LRRTM1: variants seen among roughly 807,000 people sequenced by gnomAD.
LRRTM1 encodes leucine-rich repeat transmembrane neuronal protein 1.
Under a neutral mutation model 37.3 loss-of-function variants are expected in LRRTM1, and 8 were observed. The ratio of observed to expected loss-of-function variants is 0.21; its 90% CI spans 0.13 to 0.39. The LOEUF (loss-of-function observed/expected upper bound fraction) is 0.39. LRRTM1 is among the 10% of genes least tolerant of loss of function. The pLI is 1.00. For synonymous variants in LRRTM1, 326 were observed against 316.8 expected, an observed-to-expected ratio of 1.03 and a Z score of -0.31; for missense variants, 557 against 691.0, an observed-to-expected ratio of 0.81 and a Z score of 2.17.
chr2:80,289,920 T>G (rs1201759052), intron 2 of LRRTM1, among the ~76,000 whole-genome samples: 1 of 152,138 alleles, frequency 6.6e-6, no homozygotes, highest in Non-Finnish European at 1.5e-5. Context: ...GAGCAGGAAT[T>G]TAAATCCCTG....
downstream of LRRTM1, chr2:80,298,349 A>G (rs146205605): frequency 2.8e-4 from 43 of 152,304 alleles, no homozygotes; most frequent in East Asian, 6.6e-3. Context: ...CTGAAACATT[A>G]TGACACTCTT....
Position 80,303,932 on chromosome 2 carries a change from C to A in LRRTM1, c.-59-54G>T. 1.6e-6 allele frequency: 2 copies of A among 1,249,894 alleles called. No homozygotes were observed. Among genetic ancestry groups the A allele is most frequent in the Non-Finnish European group, 2.1e-6 (2 of 939,048 alleles). The allele number at this position is 1,249,894 out of a possible 1,614,324, so 77.4% of individuals were successfully genotyped here. ...GAAGCGGGGGAGGGGGAGAAAAGGG[C>A]AAAAAATCAAATAAATACATAGAAA... On this transcript the variant is annotated intron_variant, in intron 1 of 1. Coordinates refer to ENST00000295057, the MANE Select transcript of LRRTM1 (RefSeq NM_178839.5). This position sits in a 1 kb window ranked among gnomAD's most constrained non-coding sequence, Gnocchi z 7.7.
intron 2 of LRRTM1, among the ~76,000 whole-genome samples, chr2:80,291,354 A>C (rs1055768730): frequency 1.3e-5 from 2 of 152,192 alleles, no homozygotes; most frequent in South Asian, 4.1e-4. Flanking sequence ...CTACAGACCT[A>C]AGAAAGAAAG....
chr2:80,290,628 A>C (rs1446110), intron 2 of LRRTM1, among the ~76,000 whole-genome samples: 43,075 of 151,710 alleles, frequency 0.28, 6,950 homozygotes, highest in East Asian at 0.38. Context: ...CCCCTCCCTG[A>C]AATCTTAATA....
intron 2 of LRRTM1, among the ~76,000 whole-genome samples, chr2:80,292,913 T>C (rs1015537895): frequency 6.6e-6 from 1 of 152,214 alleles, no homozygotes; most frequent in African/African-American, 2.4e-5. Flanking sequence ...GCTCTTTTTT[T>C]TGTACCTTTA....
rs1416271114 is a variant in LRRTM1 at position 80,302,716 on chromosome 2, C to G, written c.1104G>C (p.Glu368Asp). 7 of 1,612,856 alleles carry G rather than the reference C, an allele frequency of 4.3e-6. No individual in the cohort carries two copies. In the African/African-American group the frequency reaches 5.3e-5, roughly 12 times the overall value. ...CCGAGAGCAGGTGGCCGCTGGTGGG[C>G]TCGGCCCCATCCTCGCACAGGTGGA... ...YAFHLCEDGA[E>D]PTSGHLLSAV... Residue 368 changes from glutamate to aspartate, a missense_variant, in exon 2 of 2, where the codon GAG becomes GAC. By Grantham distance (45) the Glu-to-Asp change is conservative. Coordinates refer to ENST00000295057, the MANE Select transcript of LRRTM1 (RefSeq NM_178839.5). This position sits in a 1 kb window ranked among gnomAD's most constrained non-coding sequence, Gnocchi z 6.4.
At position 80,303,728 on chromosome 2, in the gene LRRTM1, A is replaced by G. The variant is rs1402653672; in HGVS notation, c.92T>C (p.Met31Thr). The G allele has an allele frequency of 7.5e-6, 12 of 1,604,022 alleles. No individual in the cohort carries two copies. Among genetic ancestry groups the G allele is most frequent in the Non-Finnish European group, 9.4e-6 (11 of 1,175,136 alleles). ...GCACCCGCTGGGGGCGGCGGGCAGC[A>G]TCTGAAAGCAGGCCCCCAGCAGACA... ...VLCLLGACFQ[M>T]LPAAPSGCPQ... Residue 31 changes from methionine (M) to threonine (T), a missense_variant, in exon 2 of 2, where the codon ATG becomes ACG. Met to Thr is a moderately conservative substitution (Grantham distance 81). Around this residue, in one of 5 missense-constraint regions of LRRTM1, gnomAD observed 140 missense variants for 138.1 expected, o/e 1.01. Coordinates refer to ENST00000295057, the MANE Select transcript of LRRTM1 (RefSeq NM_178839.5). This position sits in a 1 kb window ranked among gnomAD's most constrained non-coding sequence, Gnocchi z 7.7.
chr2:80,304,080 T>C (rs1676660517), intron 1 of LRRTM1, 72 bp downstream of exon 1: 1 of 393,254 alleles, frequency 2.5e-6, no homozygotes, highest in Non-Finnish European at 4.5e-6. Flanking sequence ...CCATGTTAGA[T>C]GCTGCAGCAA....
At chr2:80,295,777 T>A (rs1459145418) in intron 2 of LRRTM1, among the ~76,000 whole-genome samples, 1 of 152,204 alleles carries the variant, frequency 6.6e-6, no homozygotes, top group East Asian at 1.9e-4. Context: ...CCCTATTTCT[T>A]CCAGAGCGCT....
intron 2 of LRRTM1, chr2:80,289,268 T>C (rs1675032344): frequency 6.6e-6 from 1 of 152,184 alleles, no homozygotes; most frequent in African/African-American, 2.4e-5. Flanking sequence ...TCAAAGCATC[T>C]GTAGTGGCTA....
downstream of LRRTM1, among the ~76,000 whole-genome samples, chr2:80,301,357 G>T (rs939519167): frequency 1.3e-5 from 2 of 152,174 alleles, no homozygotes; most frequent in South Asian, 2.1e-4. Context: ...TTAACAGGGG[G>T]TACAAGAAGG....
chr2:80,302,480 T>C lies in LRRTM1; in HGVS notation c.1340A>G (p.Tyr447Cys). 1 of 1,614,010 alleles carries C rather than the reference T, an allele frequency of 6.2e-7. No homozygotes were observed. The highest frequency in any genetic ancestry group is 8.5e-7 in the Non-Finnish European group (1 of 1,180,036). Residue 447 changes from tyrosine to cysteine, a missense_variant, in exon 2 of 2, where the codon TAC (tyrosine) becomes TGC (cysteine). Coordinates refer to ENST00000295057, the MANE Select transcript of LRRTM1 (RefSeq NM_178839.5). This position sits in a 1 kb window ranked among gnomAD's most constrained non-coding sequence, Gnocchi z 6.4. Reference protein sequence around the residue: ...FSFLIVVLVLYVSWKCFPASL... With the variant: ...FSFLIVVLVLCVSWKCFPASL... ...GGCTGGGAAACACTTCCAGGACACG[T>C]AGAGCACCAGGACCACGATGAGGAA... is the stretch of plus-strand genomic sequence containing the variant.
chr2:80,303,854 C>T lies in LRRTM1; in HGVS notation c.-35G>A. 6.8e-7 allele frequency: 1 copy of T among 1,481,378 alleles called. No individual in the cohort carries two copies. The highest frequency in any genetic ancestry group is 1.5e-5 in the South Asian group (1 of 65,036). The allele number at this position is 1,481,378 out of a possible 1,614,324, so 91.8% of individuals were successfully genotyped here. A position where few individuals can be genotyped will look rare whatever the true frequency, so the allele number is the denominator to read the frequency against. ...TCTTTCCAGAGAGACTGGAGAATGT[C>T]CATTGGAAGCGCTCGGTCAGAAATC... On this transcript the variant is annotated 5_prime_UTR_variant, in exon 2 of 2. Coordinates refer to ENST00000295057, the MANE Select transcript of LRRTM1 (RefSeq NM_178839.5). This position sits in a 1 kb window ranked among gnomAD's most constrained non-coding sequence, Gnocchi z 7.7.
Position 80,302,824 on chromosome 2 carries a change from G to A in LRRTM1, c.996C>T (p.Phe332=). 6.2e-7 allele frequency: 1 copy of A among 1,614,060 alleles called. No individual in the cohort carries two copies. The highest frequency in any genetic ancestry group is 1.1e-5 in the South Asian group (1 of 91,084). ...GCAAGTTGCCATCGTAGCGCCCCTG[G>A]AAGTTGTTGAGCCACGAGGCTAGGG... ...VCALASWLNN[F]QGRYDGNLQC... The change falls in exon 2 of 2, where the codon TTC becomes TTT. Residue 332 remains phenylalanine (F), a synonymous_variant. Transcript: ENST00000295057. The surrounding 1 kb of genome is among the most constrained non-coding windows in gnomAD (Gnocchi z 6.4).
At chr2:80,290,838 G>C (rs1051713246) in intron 2 of LRRTM1, among the ~76,000 whole-genome samples, 1 of 151,842 alleles carries the variant, frequency 6.6e-6, no homozygotes, top group African/African-American at 2.4e-5. Flanking sequence ...TGGAGGGAGG[G>C]AAAGAAAAAA....
chr2:80,302,230 G>C lies in LRRTM1; in HGVS notation c.*21C>G. The stretch of plus-strand genomic sequence containing the variant: ...GCCCAGGCGTATTTGGTAGCGCATG[G>C]GTTGAGAGCCACTGGGACAATCACA... On this transcript the variant is annotated 3_prime_UTR_variant, in exon 2 of 2. Transcript: ENST00000295057. This position sits in a 1 kb window ranked among gnomAD's most constrained non-coding sequence, Gnocchi z 6.4. 1 of 1,604,396 alleles carries C rather than the reference G, an allele frequency of 6.2e-7. No individual in the cohort carries two copies. Among genetic ancestry groups the C allele is most frequent in the Non-Finnish European group, 8.5e-7 (1 of 1,175,248 alleles).
intron 2 of LRRTM1, among the ~76,000 whole-genome samples, chr2:80,289,654 T>C (rs562380484): frequency 3.3e-5 from 5 of 152,300 alleles, no homozygotes; most frequent in African/African-American, 1.2e-4. Context: ...TGCTCTCTGA[T>C]AATCTTCCTA....
rs762412544 is a variant in LRRTM1 at position 80,302,663 on chromosome 2, G to A, written c.1157C>T (p.Pro386Leu). The change falls in exon 2 of 2, where the codon CCC becomes CTC. Residue 386 changes from proline (P) to leucine (L), a missense_variant. Pro to Leu is a moderately conservative substitution (Grantham distance 98). Coordinates refer to ENST00000295057, the MANE Select transcript of LRRTM1 (RefSeq NM_178839.5). This position sits in a 1 kb window ranked among gnomAD's most constrained non-coding sequence, Gnocchi z 6.4. ...GAGCGTGGTGGCCGAGCTGGCAGGG[G>A]GCCCCAGATCACTGCGGTTGGTGAC... is the stretch of plus-strand genomic sequence containing the variant. The part of the protein sequence containing the change: ...SAVTNRSDLG[P>L]PASSATTLAD... 7 of 1,610,542 alleles carry A rather than the reference G, an allele frequency of 4.3e-6. No homozygotes were observed. In the South Asian group the frequency reaches 7.7e-5, roughly 18 times the overall value.
chr2:80,297,478 C>G (rs1344343204), downstream of LRRTM1, among the ~76,000 whole-genome samples: 1 of 152,136 alleles, frequency 6.6e-6, no homozygotes, highest in Non-Finnish European at 1.5e-5. Flanking sequence ...ATTTCTCCAT[C>G]TCATTTATAT....
Sources: allele counts gnomAD v4.1 joint callset (sites outside exome capture counted in the v4.1 genomes callset), GRCh38; gene constraint gnomAD v4.1.1; regional missense constraint gnomAD v4.1.1; non-coding constraint Gnocchi (gnomAD v3.1); transcripts MANE v1.5; gene names NCBI Gene and HGNC (gene_info 2026-07-23, HGNC 2026-07-21).